Variants in ATOSA observed in about 807,000 individuals in gnomAD.
ATOSA encodes atos homolog A.
At chr15:52,586,951 TTGATTAG>T in the ATOSA span, 3 of 1,069,042 alleles carry the variant, frequency 2.8e-6, no homozygotes, top group Non-Finnish European at 3.8e-6. Context: ...AGTATTCACC[TTGATTAG>T]CTTATTAATG....
At chr15:52,672,197 C>T in the ATOSA span, among the ~76,000 whole-genome samples, 12,302 of 56,122 alleles carry the variant, frequency 0.22, 923 homozygotes, top group South Asian at 0.42. Context: ...AAAAAAAAGA[C>T]AATTAGCCAG....
the ATOSA span, among the ~76,000 whole-genome samples, chr15:52,614,784 G>A: frequency 2.6e-5 from 4 of 151,866 alleles, no homozygotes; most frequent in African/African-American, 9.7e-5. Context: ...GGAGATGGAG[G>A]TTGCGGTGAG....
At chr15:52,650,956 TTTTG>T in the ATOSA span, among the ~76,000 whole-genome samples, 1 of 152,326 alleles carries the variant, frequency 6.6e-6, no homozygotes, top group East Asian at 1.9e-4. Flanking sequence ...CAAAAAGACC[TTTTG>T]TTTATTAAAA....
chr15:52,609,556 C>A, the ATOSA span: 35 of 1,613,402 alleles, frequency 2.2e-5, 2 homozygotes, highest in South Asian at 3.8e-4. Context: ...AGTTTCACTT[C>A]GAGGAGTTTC....
At chr15:52,629,244 A>C in the ATOSA span, among the ~76,000 whole-genome samples, 1 of 152,154 alleles carries the variant, frequency 6.6e-6, no homozygotes, top group African/African-American at 2.4e-5. Flanking sequence ...ACTGAGTGGC[A>C]AGTAGAGATT....
the ATOSA span, among the ~76,000 whole-genome samples, chr15:52,618,397 C>T: frequency 2.0e-5 from 3 of 152,120 alleles, no homozygotes; most frequent in Non-Finnish European, 4.4e-5. Context: ...AACACTACCA[C>T]TGTACATATC....
the ATOSA span, among the ~76,000 whole-genome samples, chr15:52,601,640 T>C: frequency 6.6e-6 from 1 of 152,172 alleles, no homozygotes; most frequent in South Asian, 2.1e-4. Context: ...ATCCTAATGC[T>C]TTACAGAGAA....
the ATOSA span, among the ~76,000 whole-genome samples, chr15:52,596,676 G>C: frequency 1.3e-5 from 2 of 152,182 alleles, no homozygotes; most frequent in Non-Finnish European, 2.9e-5. Context: ...GTAGAGGCCA[G>C]AGATTCTGCT....
At chr15:52,649,309 G>C in the ATOSA span, among the ~76,000 whole-genome samples, 1 of 151,984 alleles carries the variant, frequency 6.6e-6, no homozygotes, top group Non-Finnish European at 1.5e-5. Flanking sequence ...TATCACTTAA[G>C]GCATACATAT....
chr15:52,671,395 A>C, the ATOSA span, among the ~76,000 whole-genome samples: 1 of 152,190 alleles, frequency 6.6e-6, no homozygotes, highest in Non-Finnish European at 1.5e-5. Context: ...AGCTGCTCCT[A>C]TTCCTATCTG....
the ATOSA span, among the ~76,000 whole-genome samples, chr15:52,606,264 A>G: frequency 6.6e-6 from 1 of 152,150 alleles, no homozygotes; most frequent in Non-Finnish European, 1.5e-5. Flanking sequence ...TATATAATGC[A>G]GTCACAGCAC....
At chr15:52,606,776 T>C in the ATOSA span, among the ~76,000 whole-genome samples, 1 of 152,146 alleles carries the variant, frequency 6.6e-6, no homozygotes, top group African/African-American at 2.4e-5. Flanking sequence ...CGAGATCTTC[T>C]GAAGAAAAAT....
At chr15:52,640,429 G>T in the ATOSA span, among the ~76,000 whole-genome samples, 2 of 151,786 alleles carry the variant, frequency 1.3e-5, no homozygotes, top group African/African-American at 4.8e-5. Context: ...AGCTGGGTGT[G>T]GTGGTGGGCA....
the ATOSA span, among the ~76,000 whole-genome samples, chr15:52,628,621 T>C: frequency 6.6e-6 from 1 of 152,162 alleles, no homozygotes; most frequent in Non-Finnish European, 1.5e-5. Flanking sequence ...AAAAACACTA[T>C]CCTAGATACA....
At chr15:52,692,911 A>G in the ATOSA span, among the ~76,000 whole-genome samples, 7 of 151,338 alleles carry the variant, frequency 4.6e-5, no homozygotes, top group African/African-American at 1.2e-4. Context: ...TTGGCCTCCC[A>G]AAACCTTGGG....
the ATOSA span, among the ~76,000 whole-genome samples, chr15:52,614,824 G>A: frequency 6.6e-6 from 1 of 151,926 alleles, no homozygotes; most frequent in African/African-American, 2.4e-5. Flanking sequence ...CTCCAGCCTG[G>A]GCGACAGAGC....
chr15:52,640,395 G>A, the ATOSA span, among the ~76,000 whole-genome samples: 201 of 151,386 alleles, frequency 1.3e-3, no homozygotes, highest in Non-Finnish European at 2.2e-3. Context: ...GTGAAAACCC[G>A]ACTCTACTAA....
At chr15:52,691,537 A>G in the ATOSA span, among the ~76,000 whole-genome samples, 1 of 152,252 alleles carries the variant, frequency 6.6e-6, no homozygotes, top group Non-Finnish European at 1.5e-5. Flanking sequence ...AACAGAACCA[A>G]GAATAGGTAG....
chr15:52,587,240 A>AT, the ATOSA span: 1 of 1,607,632 alleles, frequency 6.2e-7, no homozygotes, highest in Admixed American at 1.7e-5. Flanking sequence ...AAGAAGACAA[A>AT]TTGAGTACAA....
Sources: gnomAD v4.1 joint callset for allele counts (sites outside exome capture counted in the v4.1 genomes callset) on GRCh38, gnomAD v4.1.1 for gene constraint, MANE v1.5 for transcripts, NCBI Gene and HGNC (gene_info 2026-07-23, HGNC 2026-07-21) for gene names.